NKAIN3: variants seen among roughly 807,000 people sequenced by gnomAD.
The protein encoded by NKAIN3 is sodium/potassium transporting ATPase interacting 3, also known as sodium/potassium-transporting ATPase subunit beta-1-interacting protein 3.
In NKAIN3, 25 loss-of-function variants were observed where a neutral mutation model predicts 30.2. The observed-to-expected ratio is 0.83, with a 90% CI of 0.60 to 1.16. The LOEUF is 1.16. Among genes scored for constraint, NKAIN3 ranks in the 50% most tolerant of loss-of-function variants. The pLI, the probability that NKAIN3 is intolerant of heterozygous loss-of-function variation, is 0.00. For missense variants in NKAIN3, 225 were observed against 254.1 expected, an observed-to-expected ratio of 0.89 and a Z score of 0.78; for synonymous variants, 91 against 89.6, an observed-to-expected ratio of 1.02 and a Z score of -0.09.
intron 1 of NKAIN3, among the ~76,000 whole-genome samples, chr8:62,522,216 A>G (rs1448280072): frequency 6.6e-6 from 1 of 152,158 alleles, no homozygotes; most frequent in East Asian, 1.9e-4. Flanking sequence ...CTATAAGATT[A>G]TAATGGAGCT....
At chr8:62,599,642 A>G (rs551550978) in intron 3 of NKAIN3, among the ~76,000 whole-genome samples, 1 of 152,212 alleles carries the variant, frequency 6.6e-6, no homozygotes, top group Admixed American at 6.5e-5. Context: ...GTAAAAGGGA[A>G]GAATTGTAGG....
intron 1 of NKAIN3, among the ~76,000 whole-genome samples, chr8:62,333,012 A>C (rs1815406022): frequency 1.3e-5 from 2 of 152,292 alleles, no homozygotes; most frequent in Middle Eastern, 3.4e-3. Flanking sequence ...AAACAAAACC[A>C]ACAAAAAACA....
chr8:62,995,647 G>A (rs1804094731), intron 5 of NKAIN3, among the ~76,000 whole-genome samples: 1 of 151,738 alleles, frequency 6.6e-6, no homozygotes, highest in Admixed American at 6.6e-5. Context: ...AGGTAGGTTG[G>A]GAGTTTAGAG....
intron 3 of NKAIN3, among the ~76,000 whole-genome samples, chr8:62,731,452 G>T (rs1417739274): frequency 6.6e-6 from 1 of 151,892 alleles, no homozygotes; most frequent in Non-Finnish European, 1.5e-5. Context: ...TCAATACAAG[G>T]AAAATGATTT....
At chr8:62,258,861 G>C (rs1812341313) in intron 1 of NKAIN3, among the ~76,000 whole-genome samples, 1 of 152,140 alleles carries the variant, frequency 6.6e-6, no homozygotes, top group Admixed American at 6.5e-5. Flanking sequence ...AACCAAAATA[G>C]TGTGAGGAAG....
At chr8:62,421,747 G>A (rs548852467) in intron 1 of NKAIN3, among the ~76,000 whole-genome samples, 6 of 152,112 alleles carry the variant, frequency 3.9e-5, no homozygotes, top group African/African-American at 1.4e-4. Flanking sequence ...AATGCTTGTA[G>A]CATGCTTTAT....
At chr8:62,703,598 G>A in intron 3 of NKAIN3, among the ~76,000 whole-genome samples, 1 of 152,168 alleles carries the variant, frequency 6.6e-6, no homozygotes. Context: ...GATTTGTTAA[G>A]CTATGTGCCC....
chr8:62,672,861 A>AT (rs564094292), intron 3 of NKAIN3, among the ~76,000 whole-genome samples: 2 of 152,194 alleles, frequency 1.3e-5, no homozygotes, highest in East Asian at 1.9e-4. Flanking sequence ...AAAAAAATTG[A>AT]TTTTTTCTCC....
intron 4 of NKAIN3, among the ~76,000 whole-genome samples, chr8:62,828,650 T>C (rs1413003190): frequency 2.0e-5 from 3 of 152,164 alleles, no homozygotes; most frequent in Non-Finnish European, 4.4e-5. Flanking sequence ...CTGTTAGAGC[T>C]CTGTGATTGC....
chr8:62,294,322 G>C (rs1813757261), intron 1 of NKAIN3, among the ~76,000 whole-genome samples: 1 of 152,148 alleles, frequency 6.6e-6, no homozygotes, highest in Non-Finnish European at 1.5e-5. Flanking sequence ...CTGCAGACTG[G>C]AGCTGTTCCT....
chr8:62,818,469 A>C (rs777650404), intron 4 of NKAIN3, among the ~76,000 whole-genome samples: 2 of 152,146 alleles, frequency 1.3e-5, no homozygotes, highest in African/African-American at 2.4e-5. Context: ...AGCATTAATT[A>C]AATTTTATTT....
At chr8:62,869,510 A>G (rs1381586408) in intron 4 of NKAIN3, among the ~76,000 whole-genome samples, 1 of 152,228 alleles carries the variant, frequency 6.6e-6, no homozygotes, top group African/African-American at 2.4e-5. Context: ...TTTTATGGAA[A>G]TGTTTCTCCA....
chr8:62,970,982 G>T lies in NKAIN3; in HGVS notation c.*5575G>T, dbSNP rs143382509. Among the ~76,000 whole-genome samples the T allele has an allele frequency of 7.9e-4, 120 of 152,264 alleles. No homozygotes were observed. Among genetic ancestry groups the T allele is most frequent in the African/African-American group, 2.7e-3 (111 of 41,544 alleles). On this transcript the variant is annotated 3_prime_UTR_variant, in exon 7 of 7. Coordinates refer to ENST00000623646, the MANE Select transcript of NKAIN3 (RefSeq NM_001304533.3). ...AAATGACAATGGATTAAATAACATAGAGGTCTATTTCTCTTTTTATTTCGA... is the reference window on the plus strand; with the variant it reads ...AAATGACAATGGATTAAATAACATATAGGTCTATTTCTCTTTTTATTTCGA...
chr8:62,785,481 A>G (rs1817486020), intron 4 of NKAIN3, among the ~76,000 whole-genome samples: 1 of 152,062 alleles, frequency 6.6e-6, no homozygotes. Flanking sequence ...TTCTTTTTGC[A>G]ATTATGTGAA....
chr8:62,342,759 A>C (rs1815796161), intron 1 of NKAIN3, among the ~76,000 whole-genome samples: 1 of 152,136 alleles, frequency 6.6e-6, no homozygotes, highest in Non-Finnish European at 1.5e-5. Context: ...TTCTTTGAAA[A>C]GAATGTATTA....
In NKAIN3 at chr8:62,248,868, T is replaced by A; in HGVS notation, c.-206T>A. 3.8e-6 allele frequency: 2 copies of A among 523,654 alleles called. No individual in the cohort carries two copies. Among genetic ancestry groups the A allele is most frequent in the Non-Finnish European group, 6.6e-6 (2 of 302,254 alleles). The allele number at this position is 523,654 out of a possible 1,614,324, so 32.4% of individuals were successfully genotyped here. A position where few individuals can be genotyped will look rare whatever the true frequency, so the allele number is the denominator to read the frequency against. On this transcript the variant is annotated 5_prime_UTR_variant, in exon 1 of 7. Transcript: ENST00000623646. Reference sequence around the variant, plus strand: ...CAGGGACCCCCGCCAGACGCTCGGGTCGTGCGCACCGCACTGACCTCGGCC... The same window carrying A: ...CAGGGACCCCCGCCAGACGCTCGGGACGTGCGCACCGCACTGACCTCGGCC...
intron 1 of NKAIN3, among the ~76,000 whole-genome samples, chr8:62,418,940 C>G (rs1274175017): frequency 6.6e-6 from 1 of 152,138 alleles, no homozygotes; most frequent in Non-Finnish European, 1.5e-5. Flanking sequence ...TGTTCTCTAG[C>G]AGAAGCATTT....
At chr8:62,943,640 T>G (rs1244852913) in intron 5 of NKAIN3, among the ~76,000 whole-genome samples, 1 of 151,682 alleles carries the variant, frequency 6.6e-6, no homozygotes, top group East Asian at 1.9e-4. Flanking sequence ...CCAGCCCAAA[T>G]GCCCATCAGT....
At chr8:62,401,076 TTTTGAAG>T (rs1803852893) in intron 1 of NKAIN3, among the ~76,000 whole-genome samples, 1 of 150,518 alleles carries the variant, frequency 6.6e-6, no homozygotes, top group Non-Finnish European at 1.5e-5. Flanking sequence ...AGATTTTCCC[TTTTGAAG>T]CTATCTTCCA....
Sources: allele counts gnomAD v4.1 joint callset (sites outside exome capture counted in the v4.1 genomes callset), GRCh38; gene constraint gnomAD v4.1.1; transcripts MANE v1.5; gene names NCBI Gene and HGNC (gene_info 2026-07-23, HGNC 2026-07-21).